Variants in GTF2A1L observed in about 807,000 individuals in gnomAD.
GTF2A1L encodes TFIIA-alpha and beta-like factor.
A neutral mutation model predicts 49.7 loss-of-function variants in GTF2A1L; 48 were observed. That is an observed-to-expected ratio of 0.97 (90% CI 0.77 to 1.23). GTF2A1L has a LOEUF of 1.23. Among genes scored for constraint, GTF2A1L ranks in the 50% most tolerant of loss-of-function variants. The probability of loss-of-function intolerance (pLI) is 0.00; values close to 1 mark genes in which losing one functional copy is unlikely to be tolerated. For synonymous variants in GTF2A1L, 246 were observed against 193.5 expected (o/e 1.27, Z -2.25); for missense variants, 736 against 564.8 (o/e 1.30, Z -3.07).
At chr2:48,652,954 G>A (rs1178308233) in intron 6 of GTF2A1L, among the ~76,000 whole-genome samples, 1 of 151,902 alleles carries the variant, frequency 6.6e-6, no homozygotes, top group East Asian at 2.0e-4. Flanking sequence ...TTTAGGCCGG[G>A]CACGGTGGCT....
At position 48,655,502 on chromosome 2, in the gene GTF2A1L, T is replaced by A. The variant is rs543496199; in HGVS notation, c.978+8460T>A. ...GCCACCATGCCCAGCCTAAAATACA[T>A]TTTTTAAAAGGTAGAAAAAACTGAA... On this transcript the variant is annotated intron_variant, in intron 6 of 8. Coordinates refer to ENST00000403751, the MANE Select transcript of GTF2A1L (RefSeq NM_006872.5). 2.6e-5 allele frequency among the ~76,000 whole-genome samples: 4 copies of A among 152,124 alleles called. No individual in the cohort carries two copies. In the South Asian group the frequency reaches 6.2e-4, roughly 24 times the overall value.
At chr2:48,637,723 C>A (rs1676981753) in intron 3 of GTF2A1L, among the ~76,000 whole-genome samples, 1 of 152,098 alleles carries the variant, frequency 6.6e-6, no homozygotes, top group South Asian at 2.1e-4. Flanking sequence ...AGATAGGCTG[C>A]TGGCTAGACT....
intron 7 of GTF2A1L, 85 bp downstream of exon 7, chr2:48,670,067 A>T: frequency 6.7e-7 from 1 of 1,497,668 alleles, no homozygotes; most frequent in Non-Finnish European, 8.9e-7. Context: ...AAGGAATAGC[A>T]AGATTAATCT....
chr2:48,645,735 G>A (rs183593403), intron 5 of GTF2A1L, among the ~76,000 whole-genome samples: 3 of 152,226 alleles, frequency 2.0e-5, no homozygotes, highest in South Asian at 2.1e-4. Context: ...TGCAAGCTCC[G>A]CCTCCTGGGT....
chr2:48,661,247 CTT>C (rs70946820), intron 6 of GTF2A1L, among the ~76,000 whole-genome samples: 266 of 62,658 alleles, frequency 4.2e-3, no homozygotes, highest in African/African-American at 9.5e-3. Flanking sequence ...CATCCCCAAA[CTT>C]TTTTTTTTTT....
intron 2 of GTF2A1L, 44 bp downstream of exon 2, chr2:48,620,996 T>C (rs1275146181): frequency 1.3e-6 from 2 of 1,580,352 alleles, no homozygotes; most frequent in Non-Finnish European, 1.7e-6. Context: ...TTTGTTGTTT[T>C]TTTCAGCATA....
At position 48,629,885 on chromosome 2, in the gene GTF2A1L, G is replaced by A. The variant is rs143085279; in HGVS notation, c.247+8595G>A. Among the ~76,000 whole-genome samples the A allele has an allele frequency of 4.4e-4, 64 of 144,130 alleles. 6 individuals carry two copies. The highest frequency in any genetic ancestry group is 1.2e-3 in the African/African-American group (49 of 40,624). The allele number at this position is 144,130 out of a possible 152,430, so 94.6% of individuals were successfully genotyped here. A position where few individuals can be genotyped will look rare whatever the true frequency, so the allele number is the denominator to read the frequency against. ...TTATTGACTAGGGAGTCCTTTCCCCGTTGCTTATTTTTGTCGACTTTGTCA... is the reference window on the plus strand; with the variant it reads ...TTATTGACTAGGGAGTCCTTTCCCCATTGCTTATTTTTGTCGACTTTGTCA... On this transcript the variant is annotated intron_variant, in intron 3 of 8. Coordinates refer to ENST00000403751, the MANE Select transcript of GTF2A1L (RefSeq NM_006872.5).
chr2:48,671,075 G>A lies in GTF2A1L; in HGVS notation c.1240-516G>A, dbSNP rs138181914. Among the ~76,000 whole-genome samples the A allele has an allele frequency of 7.4e-3, 1,120 of 152,136 alleles. 6 individuals carry two copies. The highest frequency in any genetic ancestry group is 0.027 in the Middle Eastern group (8 of 294). On this transcript the variant is annotated intron_variant, in intron 7 of 8. Coordinates refer to ENST00000403751, the MANE Select transcript of GTF2A1L (RefSeq NM_006872.5). ...GGCCTCAAGTGATTCTCCTGCCTTG[G>A]CCTTTCAAAGTGCTGGGATTACAAG... is the stretch of plus-strand genomic sequence containing the variant.
chr2:48,619,724 A>C (rs1675870931), intron 1 of GTF2A1L, among the ~76,000 whole-genome samples: 1 of 152,208 alleles, frequency 6.6e-6, no homozygotes. Flanking sequence ...AGCACATAGC[A>C]TTGCCATTTT....
At chr2:48,650,543 A>G (rs538123784) in intron 6 of GTF2A1L, among the ~76,000 whole-genome samples, 4 of 152,186 alleles carry the variant, frequency 2.6e-5, no homozygotes, top group Non-Finnish European at 4.4e-5. Context: ...TTCCTCTAAA[A>G]TATAAAATGT....
chr2:48,663,105 C>T (rs912239183), intron 6 of GTF2A1L, among the ~76,000 whole-genome samples: 4 of 152,002 alleles, frequency 2.6e-5, no homozygotes, highest in Admixed American at 1.3e-4. Flanking sequence ...GGAAAGAGGT[C>T]TCCCTTGTAG....
chr2:48,620,229 T>C (rs1411865835), intron 1 of GTF2A1L, among the ~76,000 whole-genome samples: 1 of 152,220 alleles, frequency 6.6e-6, no homozygotes, highest in Non-Finnish European at 1.5e-5. Flanking sequence ...GGAGGTTAAA[T>C]ACTGACACAA....
intron 3 of GTF2A1L, among the ~76,000 whole-genome samples, chr2:48,623,433 G>A (rs1676125287): frequency 6.6e-6 from 1 of 152,184 alleles, no homozygotes; most frequent in Non-Finnish European, 1.5e-5. Context: ...AACAGATGTT[G>A]GTGAAGCTGC....
intron 1 of GTF2A1L, among the ~76,000 whole-genome samples, chr2:48,618,551 G>A (rs1558688592): frequency 6.6e-6 from 1 of 152,256 alleles, no homozygotes; most frequent in Admixed American, 6.5e-5. Flanking sequence ...TTCACATTTC[G>A]TGAAAGGCAA....
At position 48,646,738 on chromosome 2, in the gene GTF2A1L, A is replaced by G; in HGVS notation, c.674A>G (p.His225Arg). The change falls in exon 6 of 9, where the codon CAT (histidine) becomes CGT (arginine). Residue 225 changes from histidine to arginine, a missense_variant. By Grantham distance (29) the His-to-Arg change is conservative. Transcript: ENST00000403751. The part of the protein sequence containing the change: ...SDILVSPGNE[H>R]KIVPEALLCH... ...ATACTTGTATCTCCTGGAAATGAGC[A>G]TAAAATCGTGCCTGAAGCTTTGTTG... is the stretch of plus-strand genomic sequence containing the variant. 4 of 1,614,210 alleles carry G rather than the reference A, an allele frequency of 2.5e-6. No individual in the cohort carries two copies. Among genetic ancestry groups the G allele is most frequent in the South Asian group, 2.2e-5 (2 of 91,090 alleles).
chr2:48,643,583 C>G (rs542956955), intron 4 of GTF2A1L, among the ~76,000 whole-genome samples: 50 of 151,932 alleles, frequency 3.3e-4, no homozygotes, highest in African/African-American at 1.1e-3. Flanking sequence ...AAGTAATAAG[C>G]TTGTATTAAT....
chr2:48,649,874 G>A (rs1677750022), intron 6 of GTF2A1L, among the ~76,000 whole-genome samples: 2 of 152,220 alleles, frequency 1.3e-5, no homozygotes, highest in South Asian at 4.1e-4. Context: ...ACTTTACTGG[G>A]AACACCAAAC....
intron 3 of GTF2A1L, among the ~76,000 whole-genome samples, chr2:48,634,531 A>G (rs1238799387): frequency 1.3e-5 from 2 of 152,198 alleles, no homozygotes; most frequent in Admixed American, 6.5e-5. Flanking sequence ...GGTAGCTGGC[A>G]TCAGTCTTTT....
intron 6 of GTF2A1L, among the ~76,000 whole-genome samples, chr2:48,668,930 G>A (rs1199794011): frequency 6.6e-6 from 1 of 152,108 alleles, no homozygotes; most frequent in African/African-American, 2.4e-5. Context: ...TAGCTGTGCT[G>A]GATGAAGGTA....
Sources: allele counts gnomAD v4.1 joint callset (sites outside exome capture counted in the v4.1 genomes callset), GRCh38; gene constraint gnomAD v4.1.1; transcripts MANE v1.5; gene names NCBI Gene and HGNC (gene_info 2026-07-23, HGNC 2026-07-21).